CRYM: variants seen among roughly 807,000 people sequenced by gnomAD.
CRYM encodes ketimine reductase mu-crystallin.
CRYM carries 18 observed loss-of-function variants against 32.9 expected under a neutral mutation model. That is an observed-to-expected ratio of 0.55 (90% confidence interval 0.38 to 0.81). The LOEUF (loss-of-function observed/expected upper bound fraction) is 0.81. CRYM is among the 30% of genes least tolerant of loss of function. The pLI is 0.00. For missense variants in CRYM, 337 were observed against 393.5 expected, an observed-to-expected ratio of 0.86 and a Z score of 1.21; for synonymous variants, 153 against 152.4, an observed-to-expected ratio of 1.00 and a Z score of -0.03.
intron 5 of CRYM, among the ~76,000 whole-genome samples, chr16:21,265,693 A>T (rs994832827): frequency 2.0e-5 from 3 of 152,192 alleles, no homozygotes; most frequent in Non-Finnish European, 2.9e-5. Context: ...TCATCATTTG[A>T]CTTGGCTCTC....
In CRYM at chr16:21,262,112, G is replaced by T. The variant is rs2093355666; in HGVS notation, c.720C>A (p.Leu240=). The T allele has an allele frequency of 6.2e-7, 1 of 1,614,136 alleles. No homozygotes were observed. The highest frequency in any genetic ancestry group is 8.5e-7 in the Non-Finnish European group (1 of 1,180,020). The change falls in exon 6 of 8, where the codon CTC becomes CTA. Residue 240 remains leucine, a synonymous_variant. Coordinates refer to ENST00000572914, the MANE Select transcript of CRYM (RefSeq NM_001376256.1). ...RPDWRELDDE[L]MKEAVLYVDS... is the part of the protein sequence containing the mutation. Reference sequence around the variant, plus strand: ...CCACGTACAGCACAGCTTCTTTCATGAGCTCATCATCCAGTTCTCTCCAGT... The same window carrying T: ...CCACGTACAGCACAGCTTCTTTCATTAGCTCATCATCCAGTTCTCTCCAGT...
intron 6 of CRYM, chr16:21,261,604 G>T (rs956528046): frequency 7.3e-6 from 4 of 545,000 alleles, no homozygotes; most frequent in Non-Finnish European, 1.3e-5. Context: ...CAAGATCATT[G>T]TGTCAGTGAG....
intron 1 of CRYM, among the ~76,000 whole-genome samples, chr16:21,293,181 G>C (rs987461292): frequency 2.6e-5 from 4 of 152,214 alleles, no homozygotes; most frequent in African/African-American, 9.6e-5. Flanking sequence ...GCCCTAACCT[G>C]TAAAAGCTTG....
chr16:21,289,948 A>C (rs566007972), intron 1 of CRYM, among the ~76,000 whole-genome samples: 3 of 151,816 alleles, frequency 2.0e-5, no homozygotes, highest in Non-Finnish European at 4.4e-5. Flanking sequence ...AATTGCACCA[A>C]TCAGCACTCT....
intron 5 of CRYM, 164 bp from the exon 6 acceptor site, chr16:21,262,322 C>CTT: frequency 1.2e-6 from 1 of 813,204 alleles, no homozygotes; most frequent in African/African-American, 1.7e-5. Context: ...GGACGAAATA[C>CTT]TTATTAAGAA....
intron 1 of CRYM, among the ~76,000 whole-genome samples, chr16:21,290,294 G>A (rs1312665624): frequency 6.6e-6 from 1 of 152,164 alleles, no homozygotes; most frequent in Non-Finnish European, 1.5e-5. Context: ...CCTTAAGTCA[G>A]TGAGACCACG....
At chr16:21,290,495 C>G (rs1033872141) in intron 1 of CRYM, among the ~76,000 whole-genome samples, 1 of 152,182 alleles carries the variant, frequency 6.6e-6, no homozygotes, top group Non-Finnish European at 1.5e-5. Flanking sequence ...GTAACACTCA[C>G]CGCAAGGGTC....
At chr16:21,258,995 C>A in intron 7 of CRYM, 150 bp from the exon 8 acceptor site, 1 of 678,328 alleles carries the variant, frequency 1.5e-6, no homozygotes, top group Non-Finnish European at 2.6e-6. Flanking sequence ...TGAGCTCAGG[C>A]TTCAATTGTC....
intron 1 of CRYM, among the ~76,000 whole-genome samples, chr16:21,302,570 A>G (rs1012994477): frequency 6.6e-6 from 1 of 152,192 alleles, no homozygotes; most frequent in African/African-American, 2.4e-5. Flanking sequence ...AGGGTTTTTA[A>G]GCTCTAGGAT....
At chr16:21,293,742 TAAAG>T (rs1183201649) in intron 1 of CRYM, among the ~76,000 whole-genome samples, 1 of 152,202 alleles carries the variant, frequency 6.6e-6, no homozygotes, top group Non-Finnish European at 1.5e-5. Context: ...TTCTATTTGT[TAAAG>T]AAACTGCACT....
chr16:21,287,429 C>A (rs1176602980), intron 1 of CRYM, among the ~76,000 whole-genome samples: 3 of 152,184 alleles, frequency 2.0e-5, no homozygotes, highest in African/African-American at 4.8e-5. Flanking sequence ...AATGGAATAT[C>A]TTTTCTTATT....
rs754026201 is a variant in CRYM at position 21,277,541 on chromosome 16, G to C, written c.214C>G (p.Leu72Val). 10 of 1,613,872 alleles carry C rather than the reference G, an allele frequency of 6.2e-6. No homozygotes were observed. The Admixed American group carries it at 1.3e-4, about 22-fold the overall frequency. ...MPAYSAAEDA[L>V]TTKLVTFYED... is the part of the protein sequence containing the mutation. ...TAGAAGGTGACCAACTTGGTGGTCA[G>C]TGCATCCTCTGCAGCACTGTAGGCG... is the stretch of plus-strand genomic sequence containing the variant. Residue 72 changes from leucine to valine, a missense_variant, in exon 2 of 8, where the codon CTG (leucine) becomes GTG (valine). Physicochemically the swap from Leu to Val is conservative, Grantham distance 32. Coordinates refer to ENST00000572914, the MANE Select transcript of CRYM (RefSeq NM_001376256.1). The surrounding 1 kb of genome is among the most constrained non-coding windows in gnomAD (Gnocchi z 4.2).
At chr16:21,261,083 G>A (rs2093353464) in intron 7 of CRYM, 171 bp downstream of exon 7, 3 of 674,586 alleles carry the variant, frequency 4.4e-6, no homozygotes, top group Non-Finnish European at 8.0e-6. Context: ...GGACTGCTCA[G>A]TTCCAGAGTT....
At chr16:21,302,218 T>A (rs1960964606) in intron 1 of CRYM, among the ~76,000 whole-genome samples, 1 of 152,248 alleles carries the variant, frequency 6.6e-6, no homozygotes, top group Non-Finnish European at 1.5e-5. Context: ...AGAATTTATT[T>A]GCTGTGACCT....
chr16:21,298,420 T>C (rs1960832032), intron 1 of CRYM, among the ~76,000 whole-genome samples: 1 of 152,132 alleles, frequency 6.6e-6, no homozygotes, highest in African/African-American at 2.4e-5. Context: ...AAATGGGAAA[T>C]ATACAACATT....
intron 7 of CRYM, chr16:21,260,937 G>A (rs979296269): frequency 7.0e-5 from 30 of 428,936 alleles, no homozygotes; most frequent in South Asian, 1.5e-4. Context: ...GATCTGCACC[G>A]AACTGATTCA....
chr16:21,260,020 C>T (rs1259557894), intron 7 of CRYM, among the ~76,000 whole-genome samples: 2 of 152,164 alleles, frequency 1.3e-5, no homozygotes, highest in Admixed American at 6.5e-5. Context: ...TTGAACCAGG[C>T]TCCAGATAAA....
At position 21,278,164 on chromosome 16, in the gene CRYM, C is replaced by T; in HGVS notation, c.88G>A (p.Ala30Thr). 2 of 1,554,492 alleles carry T rather than the reference C, an allele frequency of 1.3e-6. No individual in the cohort carries two copies. Among genetic ancestry groups the T allele is most frequent in the Non-Finnish European group, 1.7e-6 (2 of 1,149,532 alleles). Residue 30 changes from alanine to threonine, a missense_variant, in exon 1 of 8, where the codon GCC (alanine) becomes ACC (threonine). Physicochemically the swap from Ala to Thr is moderately conservative, Grantham distance 58 (BLOSUM62 0). Transcript: ENST00000572914. ...GGACCGCTGGAGAAGTTGGCCAGGGCCGTCTCTAGAGGCGGGATGAGGAGG... is the reference window on the plus strand; with the variant it reads ...GGACCGCTGGAGAAGTTGGCCAGGGTCGTCTCTAGAGGCGGGATGAGGAGG... ...SSLLIPPLETALANFSSGPEG... is the reference protein window; with the variant it reads ...SSLLIPPLETTLANFSSGPEG...
At chr16:21,258,940 A>G (rs902820298) in intron 7 of CRYM, 95 bp from the exon 8 acceptor site, 1 of 929,126 alleles carries the variant, frequency 1.1e-6, no homozygotes, top group East Asian at 2.4e-5. Context: ...ATACATGTCC[A>G]TGTTGCCAAT....
Sources: gnomAD v4.1 joint callset for allele counts (sites outside exome capture counted in the v4.1 genomes callset) on GRCh38, gnomAD v4.1.1 for gene constraint, Gnocchi (gnomAD v3.1) non-coding constraint, MANE v1.5 for transcripts, NCBI Gene and HGNC (gene_info 2026-07-23, HGNC 2026-07-21) for gene names.